The following TENM4 variants were observed in gnomAD, a reference collection of about 807,000 sequenced individuals.
TENM4 encodes teneurin-4.
TENM4 carries 82 observed loss-of-function variants against 243.3 expected under a neutral mutation model. That is an observed-to-expected ratio of 0.34 (90% CI 0.28 to 0.40). The LOEUF is 0.40. Among genes scored for constraint, TENM4 ranks in the 10% least tolerant of loss-of-function variants. The pLI, the probability that TENM4 is intolerant of heterozygous loss-of-function variation, is 1.00. For missense variants in TENM4, 3,138 were observed against 3,673.3 expected, an observed-to-expected ratio of 0.85 and a Z score of 3.77; for synonymous variants, 1,412 against 1,456.3, an observed-to-expected ratio of 0.97 and a Z score of 0.69.
intron 6 of TENM4, among the ~76,000 whole-genome samples, chr11:78,957,782 C>T (rs1035932962): frequency 1.3e-5 from 2 of 152,156 alleles, no homozygotes; most frequent in African/African-American, 2.4e-5. Flanking sequence ...AAGTTTAGTG[C>T]CCGGTCATCT....
At chr11:78,882,035 A>G (rs548179347) in intron 9 of TENM4, among the ~76,000 whole-genome samples, 1 of 152,368 alleles carries the variant, frequency 6.6e-6, no homozygotes, top group Non-Finnish European at 1.5e-5. Flanking sequence ...GACCAAGTTC[A>G]ATCATCTCCA....
At chr11:78,943,368 G>A (rs1565137211) in intron 6 of TENM4, among the ~76,000 whole-genome samples, 1 of 152,234 alleles carries the variant, frequency 6.6e-6, no homozygotes. Flanking sequence ...TTGGTGTGGG[G>A]GCAAGGGGTG....
chr11:78,848,677 T>C (rs1344797119), intron 12 of TENM4, among the ~76,000 whole-genome samples: 2 of 152,174 alleles, frequency 1.3e-5, no homozygotes, highest in East Asian at 3.9e-4. Context: ...CTTACTCTTT[T>C]CCTTGGCTTA....
Position 78,654,368 on chromosome 11 carries a change from A to T in TENM4, c.*3690T>A, listed in dbSNP as rs1195449715. On this transcript the variant is annotated 3_prime_UTR_variant, in exon 34 of 34. Transcript: ENST00000278550. ...ACCACATGGCCACCACAAATACAAG[A>T]CTGCAAGTGGTAAAACTGCATTCTA... 1.3e-5 allele frequency: 2 copies of T among 152,160 alleles called. No homozygotes were observed. Among genetic ancestry groups the T allele is most frequent in the African/African-American group, 2.4e-5 (1 of 41,432 alleles). 9.4% of individuals were successfully genotyped at this position (152,160 alleles called of 1,614,324 possible).
At chr11:79,091,266 C>T (rs1420771887) in intron 4 of TENM4, among the ~76,000 whole-genome samples, 1 of 152,172 alleles carries the variant, frequency 6.6e-6, no homozygotes, top group Non-Finnish European at 1.5e-5. Flanking sequence ...AAAGTATCAG[C>T]TTGTCAGCCT....
At chr11:78,895,294 G>T (rs1855766338) in intron 7 of TENM4, among the ~76,000 whole-genome samples, 1 of 150,742 alleles carries the variant, frequency 6.6e-6, no homozygotes, top group African/African-American at 2.4e-5. Context: ...CGGCGATTAT[G>T]CCACTGCATT....
intron 22 of TENM4, among the ~76,000 whole-genome samples, chr11:78,728,452 TCTC>T (rs1855574268): frequency 6.6e-6 from 1 of 151,768 alleles, no homozygotes; most frequent in South Asian, 2.1e-4. Flanking sequence ...TTCCCACCTC[TCTC>T]CTCCTCTTCT....
At position 78,658,262 on chromosome 11, in the gene TENM4, C is replaced by T. The variant is rs769658072; in HGVS notation, c.8106G>A (p.Ala2702=). 3.9e-5 allele frequency: 63 copies of T among 1,613,480 alleles called. No homozygotes were observed. The highest frequency in any genetic ancestry group is 1.6e-4 in the South Asian group (15 of 91,068). The change falls in exon 34 of 34, where the codon GCG becomes GCA. Residue 2702 remains alanine, a synonymous_variant. Coordinates refer to ENST00000278550, the MANE Select transcript of TENM4 (RefSeq NM_001098816.3). The part of the protein sequence containing the change: ...ELARQRAVRQ[A]WAREQQRLRE... ...GCAGTCTCTGCTGCTCGCGGGCCCA[C>T]GCTTGGCGCACGGCTCTCTGCCGGG...
chr11:79,405,816 C>T (rs1375110720), intron 1 of TENM4, among the ~76,000 whole-genome samples: 1 of 146,402 alleles, frequency 6.8e-6, no homozygotes, highest in African/African-American at 2.5e-5. Context: ...ACATTTTTGT[C>T]CATCTAATTT....
intron 12 of TENM4, among the ~76,000 whole-genome samples, chr11:78,824,400 T>C (rs924829608): frequency 6.6e-6 from 1 of 152,066 alleles, no homozygotes; most frequent in African/African-American, 2.4e-5. Context: ...GAGAACTCAC[T>C]ATCATGAGGA....
chr11:79,390,333 G>C (rs953481690), intron 1 of TENM4, among the ~76,000 whole-genome samples: 2 of 152,344 alleles, frequency 1.3e-5, no homozygotes, highest in African/African-American at 4.8e-5. Context: ...TAATGGGAAA[G>C]GGCTAGAGTC....
At chr11:79,412,055 C>T (rs1264255488) in intron 1 of TENM4, among the ~76,000 whole-genome samples, 2 of 152,222 alleles carry the variant, frequency 1.3e-5, no homozygotes, top group East Asian at 3.9e-4. Context: ...GCTCAGCCTT[C>T]CTGTTAGAAG....
chr11:79,313,233 A>G (rs934395109), intron 1 of TENM4, among the ~76,000 whole-genome samples: 1 of 152,196 alleles, frequency 6.6e-6, no homozygotes, highest in Non-Finnish European at 1.5e-5. Context: ...AGCCAAGTGA[A>G]ATTAATCCTT....
At chr11:78,797,979 C>T (rs1031055485) in intron 15 of TENM4, among the ~76,000 whole-genome samples, 4 of 152,164 alleles carry the variant, frequency 2.6e-5, no homozygotes, top group African/African-American at 9.7e-5. Context: ...GAAGCTAATG[C>T]TTCTCAGAGA....
Position 79,153,312 on chromosome 11 carries a change from G to T in TENM4, c.-162-4506C>A, listed in dbSNP as rs548013750. On this transcript the variant is annotated intron_variant, in intron 3 of 33. Coordinates refer to ENST00000278550, the MANE Select transcript of TENM4 (RefSeq NM_001098816.3). ...GAATATTAGATGATTCTTCTTGTGT[G>T]AATACATGTCCAAAGCAGATCATTC... 3.3e-4 allele frequency among the ~76,000 whole-genome samples: 51 copies of T among 152,304 alleles called. 1 individual carries two copies. In the South Asian group the frequency reaches 1.0e-2, roughly 30 times the overall value.
intron 4 of TENM4, among the ~76,000 whole-genome samples, chr11:79,080,681 C>T (rs570111819): frequency 6.6e-6 from 1 of 152,206 alleles, no homozygotes; most frequent in Non-Finnish European, 1.5e-5. Context: ...GCCCCAAGTA[C>T]AGCTGGCTGT....
chr11:78,769,749 A>C (rs1856609934), intron 18 of TENM4, among the ~76,000 whole-genome samples: 2 of 152,240 alleles, frequency 1.3e-5, no homozygotes, highest in African/African-American at 4.8e-5. Flanking sequence ...GCCTGGGTAC[A>C]TCAGGCCCAA....
intron 1 of TENM4, among the ~76,000 whole-genome samples, chr11:79,415,482 T>G (rs1184959591): frequency 1.3e-5 from 2 of 152,184 alleles, no homozygotes; most frequent in Non-Finnish European, 2.9e-5. Context: ...CAGGGCTTTA[T>G]GTATATTAAC....
intron 3 of TENM4, among the ~76,000 whole-genome samples, chr11:79,159,007 C>T (rs1196817940): frequency 6.6e-6 from 1 of 152,152 alleles, no homozygotes; most frequent in East Asian, 1.9e-4. Context: ...ATCCACTTTC[C>T]TTATAGAGAG....
Sources: allele counts gnomAD v4.1 joint callset (sites outside exome capture counted in the v4.1 genomes callset), GRCh38; gene constraint gnomAD v4.1.1; transcripts MANE v1.5; gene names NCBI Gene and HGNC (gene_info 2026-07-23, HGNC 2026-07-21).